The following NPIPB11 variants were observed in gnomAD, a reference collection of about 807,000 sequenced individuals.
The protein encoded by NPIPB11 is nuclear pore complex-interacting protein family member B11.
In NPIPB11, 17 loss-of-function variants were observed where a neutral mutation model predicts 32.8. That is an observed-to-expected ratio of 0.52 (90% CI 0.35 to 0.78). The LOEUF (loss-of-function observed/expected upper bound fraction) is 0.78, where lower values mean the gene tolerates loss of function less well. Among genes scored for constraint, NPIPB11 ranks in the 30% least tolerant of loss-of-function variants. NPIPB11 has a pLI of 0.01. For missense variants in NPIPB11, 537 were observed against 1,000.4 expected, an observed-to-expected ratio of 0.54 and a Z score of 6.25; for synonymous variants, 209 against 398.4, an observed-to-expected ratio of 0.52 and a Z score of 5.66.
intron 2 of NPIPB11, among the ~76,000 whole-genome samples, chr16:29,394,893 C>T (rs908974003): frequency 1.3e-5 from 2 of 149,252 alleles, no homozygotes; most frequent in African/African-American, 4.9e-5. Context: ...GTACAGGTGC[C>T]TGACAGTGCA....
At chr16:29,401,739 T>G (rs1014189321) in intron 2 of NPIPB11, among the ~76,000 whole-genome samples, 3 of 152,104 alleles carry the variant, frequency 2.0e-5, no homozygotes, top group African/African-American at 4.8e-5. Context: ...TTGGGAGCCA[T>G]TGAGACTGGC....
At chr16:29,406,307 T>G (rs910718858), upstream of NPIPB11, among the ~76,000 whole-genome samples, 25 of 152,280 alleles carry the variant, frequency 1.6e-4, no homozygotes, top group Non-Finnish European at 1.0e-4. Context: ...TCAGTTATAT[T>G]TATGGGTATG....
chr16:29,397,643 G>A, intron 2 of NPIPB11: 1 of 1,434,032 alleles, frequency 7.0e-7, no homozygotes, highest in Admixed American at 2.0e-5. Flanking sequence ...GCCCCCGCAT[G>A]TCCTGGTCCT....
rs1344750953 is a variant in NPIPB11, at chr16:29,390,039, C to T, written c.447G>A (p.Val149=). 2.5e-6 allele frequency: 4 copies of T among 1,595,474 alleles called. No individual in the cohort carries two copies. In the East Asian group the frequency reaches 8.9e-5, roughly 36 times the overall value. ...GGATTTTAGCTCTAACTTTTGTTTC[C>T]ACATGCCTCCGTAGAGTAATGACGT... The change falls in exon 5 of 8, where the codon GTG becomes GTA. Residue 149 remains valine (V), a synonymous_variant. Coordinates refer to ENST00000524087, the Ensembl canonical transcript of NPIPB11.
chr16:29,397,672 G>C, intron 2 of NPIPB11: 1 of 1,245,814 alleles, frequency 8.0e-7, no homozygotes, highest in South Asian at 1.3e-5. Context: ...GCCCTGAGGC[G>C]TCCAGGACAG....
chr16:29,397,764 G>T (rs1203309091), intron 2 of NPIPB11: 16 of 205,114 alleles, frequency 7.8e-5, no homozygotes, highest in Non-Finnish European at 1.3e-4. Flanking sequence ...GGAGGGGAGG[G>T]GGAGGGGGAA....
intron 2 of NPIPB11, among the ~76,000 whole-genome samples, chr16:29,401,943 C>A (rs1286441841): frequency 6.6e-6 from 1 of 150,956 alleles, no homozygotes; most frequent in Non-Finnish European, 1.5e-5. Flanking sequence ...TACAGTGATA[C>A]CTAGCCCATC....
At chr16:29,399,145 T>G (rs1219923372) in intron 2 of NPIPB11, among the ~76,000 whole-genome samples, 1 of 151,888 alleles carries the variant, frequency 6.6e-6, no homozygotes, top group Non-Finnish European at 1.5e-5. Context: ...AGGGGTCTGG[T>G]GACCAGGACA....
At chr16:29,395,746 G>A (rs1404970310) in intron 2 of NPIPB11, among the ~76,000 whole-genome samples, 2 of 150,852 alleles carry the variant, frequency 1.3e-5, no homozygotes, top group Non-Finnish European at 3.0e-5. Context: ...TTGGGAAGCC[G>A]AGGTGGGTGG....
At chr16:29,399,467 C>A (rs1469240175) in intron 2 of NPIPB11, among the ~76,000 whole-genome samples, 3 of 144,440 alleles carry the variant, frequency 2.1e-5, no homozygotes, top group Admixed American at 6.9e-5. Flanking sequence ...TTTGGGAGGC[C>A]GAGGTGGGTG....
At chr16:29,394,691 C>G (rs1456408585) in intron 2 of NPIPB11, among the ~76,000 whole-genome samples, 1 of 152,132 alleles carries the variant, frequency 6.6e-6, no homozygotes, top group Non-Finnish European at 1.5e-5. Flanking sequence ...CTCAGCCTCC[C>G]AAAGTGCTGG....
At chr16:29,390,112 G>C (rs1273580509) in exon 5 of NPIPB11, 4 of 745,808 alleles carry the variant, frequency 5.4e-6, no homozygotes, top group Non-Finnish European at 8.7e-6. Context: ...TCTTTTCTTT[G>C]TGTGCATACA....
chr16:29,390,408 G>C (rs923000492), intron 3 of NPIPB11, 60 bp from the exon 4 acceptor site: 3 of 1,594,734 alleles, frequency 1.9e-6, no homozygotes, highest in South Asian at 1.1e-5. Flanking sequence ...TATAATCCCA[G>C]TACTTCGGGA....
In NPIPB11 at chr16:29,390,241, A is replaced by T. The variant is rs997271155; in HGVS notation, c.349+8T>A. ...TTCCACACTATGCGGATTCCAACAGAGCCATACCTTCCTGTCTACGGCGGT... is the reference window on the plus strand; with the variant it reads ...TTCCACACTATGCGGATTCCAACAGTGCCATACCTTCCTGTCTACGGCGGT... On this transcript the variant is annotated splice_region_variant and intron_variant, in intron 4 of 7. Coordinates refer to ENST00000524087, the Ensembl canonical transcript of NPIPB11. The T allele has an allele frequency of 4.4e-6, 7 of 1,588,312 alleles. No individual in the cohort carries two copies. In the East Asian group the frequency reaches 1.6e-4, roughly 36 times the overall value.
Position 29,396,956 on chromosome 16 carries a change from T to C in NPIPB11, c.121-2880A>G, listed in dbSNP as rs1311185616. The stretch of plus-strand genomic sequence containing the variant: ...CGAGGTCAAGAGATGGAGACTATCC[T>C]GGCGAACATGGTGAAACCCCGTCTC... On this transcript the variant is annotated intron_variant, in intron 2 of 7. Transcript: ENST00000524087. 5.9e-5 allele frequency among the ~76,000 whole-genome samples: 9 copies of C among 151,968 alleles called. No individual in the cohort carries two copies. The East Asian group carries it at 1.4e-3, about 23-fold the overall frequency.
At chr16:29,383,065 T>C (rs779723430) in exon 8 of NPIPB11, 1 of 1,607,620 alleles carries the variant, frequency 6.2e-7, no homozygotes. Flanking sequence ...AGCAGGTATC[T>C]TGATATTATC....
intron 3 of NPIPB11, 60 bp from the exon 4 acceptor site, chr16:29,390,408 G>A: frequency 6.3e-7 from 1 of 1,594,734 alleles, no homozygotes; most frequent in Non-Finnish European, 8.5e-7. Flanking sequence ...TATAATCCCA[G>A]TACTTCGGGA....
At chr16:29,394,471 G>A (rs1389268725) in intron 2 of NPIPB11, among the ~76,000 whole-genome samples, 1 of 147,198 alleles carries the variant, frequency 6.8e-6, no homozygotes, top group African/African-American at 2.5e-5. Context: ...GCTCCACTCA[G>A]TCGCCCAGGC....
At chr16:29,390,566 C>T (rs1335781183) in intron 3 of NPIPB11, among the ~76,000 whole-genome samples, 1 of 150,592 alleles carries the variant, frequency 6.6e-6, no homozygotes, top group Non-Finnish European at 1.5e-5. Flanking sequence ...GGCAGAGAAC[C>T]GTTTGAAGCT....
Sources: allele counts gnomAD v4.1 joint callset (sites outside exome capture counted in the v4.1 genomes callset), GRCh38; gene constraint gnomAD v4.1.1; transcripts MANE v1.5; gene names NCBI Gene and HGNC (gene_info 2026-07-23, HGNC 2026-07-21).